Variants in PCDH7 observed in about 807,000 individuals in gnomAD.
PCDH7 encodes the protein protocadherin 7.
PCDH7 carries 17 observed loss-of-function variants against 58.9 expected under a neutral mutation model. The observed-to-expected ratio is 0.29, with a 90% CI of 0.20 to 0.43. PCDH7 has a LOEUF of 0.43. Ranked by LOEUF, PCDH7 falls within the 20% of genes least tolerant of loss-of-function variation. The probability of loss-of-function intolerance (pLI) is 1.00; values close to 1 mark genes in which losing one functional copy is unlikely to be tolerated. For synonymous variants in PCDH7, 664 were observed against 616.4 expected (o/e 1.08, Z -1.14); for missense variants, 1,274 against 1,441.0 (o/e 0.88, Z 1.88).
chr4:31,031,761 T>C (rs1374797247), intron 3 of PCDH7, among the ~76,000 whole-genome samples: 2 of 152,216 alleles, frequency 1.3e-5, no homozygotes, highest in Non-Finnish European at 2.9e-5. Flanking sequence ...TGGAAACATA[T>C]ACAACTAACT....
At chr4:31,059,534 T>C (rs905310710) in intron 3 of PCDH7, among the ~76,000 whole-genome samples, 7 of 151,806 alleles carry the variant, frequency 4.6e-5, no homozygotes, top group Non-Finnish European at 1.0e-4. Flanking sequence ...TCCATGTCAC[T>C]TCAGTGTTGT....
At position 30,721,458 on chromosome 4, in the gene PCDH7, C is replaced by G. The variant is rs1361201962; in HGVS notation, c.36C>G (p.Gly12=). 3 of 1,556,702 alleles carry G rather than the reference C, an allele frequency of 1.9e-6. No homozygotes were observed. Among genetic ancestry groups the G allele is most frequent in the Non-Finnish European group, 2.6e-6 (3 of 1,155,898 alleles). ...TGCGGACCGCGGGATGGGCGCGCGG[C>G]TGGTGCTTGGGCTGCTGCCTCCTCC... The change falls in exon 1 of 2, where the codon GGC becomes GGG. Residue 12 remains glycine (G), a synonymous_variant. Transcript: ENST00000361762. The surrounding 1 kb of genome is among the most constrained non-coding windows in gnomAD (Gnocchi z 6.7).
intron 1 of PCDH7, among the ~76,000 whole-genome samples, chr4:30,890,681 A>G (rs1331056966): frequency 2.6e-5 from 4 of 152,068 alleles, no homozygotes; most frequent in Non-Finnish European, 5.9e-5. Context: ...GACAGAATCA[A>G]TAATCTGATA....
chr4:30,837,903 A>G (rs916770368), intron 1 of PCDH7, among the ~76,000 whole-genome samples: 1 of 147,534 alleles, frequency 6.8e-6, no homozygotes. Context: ...TATATTTTAT[A>G]TATATATATA....
chr4:30,743,395 T>A (rs964314038), intron 1 of PCDH7, among the ~76,000 whole-genome samples: 5 of 151,622 alleles, frequency 3.3e-5, no homozygotes, highest in Non-Finnish European at 3.0e-5. Context: ...AGGAAAAAAA[T>A]CAAGGATTTT....
intron 1 of PCDH7, among the ~76,000 whole-genome samples, chr4:30,760,044 A>G (rs990138162): frequency 1.3e-5 from 2 of 152,082 alleles, no homozygotes; most frequent in Non-Finnish European, 2.9e-5. Flanking sequence ...ATAAACACAT[A>G]TGAAAGCTAC....
chr4:30,948,987 G>T (rs1747041479), intron 2 of PCDH7, among the ~76,000 whole-genome samples: 1 of 152,070 alleles, frequency 6.6e-6, no homozygotes, highest in Admixed American at 6.6e-5. Context: ...CAAACATTGG[G>T]ATTAAAGGTT....
At chr4:31,126,268 G>T (rs771482178) in intron 3 of PCDH7, among the ~76,000 whole-genome samples, 2 of 151,586 alleles carry the variant, frequency 1.3e-5, no homozygotes, top group African/African-American at 2.4e-5. Flanking sequence ...AGATTCTCAC[G>T]CCTCAGCCTC....
intron 1 of PCDH7, among the ~76,000 whole-genome samples, chr4:30,800,022 T>A (rs1725329661): frequency 6.6e-6 from 1 of 151,510 alleles, no homozygotes; most frequent in Non-Finnish European, 1.5e-5. Context: ...CCCGGCTATT[T>A]TTTTTTTTTT....
At chr4:30,811,726 A>G (rs913721777) in intron 1 of PCDH7, among the ~76,000 whole-genome samples, 1 of 152,230 alleles carries the variant, frequency 6.6e-6, no homozygotes, top group Non-Finnish European at 1.5e-5. Flanking sequence ...GTCATAAAAT[A>G]TAATCTGTAG....
intron 1 of PCDH7, among the ~76,000 whole-genome samples, chr4:30,819,315 G>T (rs1233908640): frequency 1.3e-5 from 2 of 152,134 alleles, no homozygotes; most frequent in Non-Finnish European, 2.9e-5. Flanking sequence ...GATTTCACTG[G>T]TTGGGTAGAG....
intron 1 of PCDH7, among the ~76,000 whole-genome samples, chr4:30,846,075 C>A (rs1731906748): frequency 6.6e-6 from 1 of 152,094 alleles, no homozygotes; most frequent in South Asian, 2.1e-4. Context: ...TTTATCCATA[C>A]ATTAAAATTT....
At chr4:30,988,339 ATATAT>A (rs1474762454) in intron 3 of PCDH7, among the ~76,000 whole-genome samples, 1 of 152,222 alleles carries the variant, frequency 6.6e-6, no homozygotes, top group Non-Finnish European at 1.5e-5. Context: ...GAATATTGTA[ATATAT>A]TAGTTAGATA....
chr4:30,762,256 C>A (rs1310881314), intron 1 of PCDH7, among the ~76,000 whole-genome samples: 1 of 151,814 alleles, frequency 6.6e-6, no homozygotes, highest in Non-Finnish European at 1.5e-5. Flanking sequence ...TCTTAAAATT[C>A]GCATTTTTTC....
At chr4:30,887,319 C>T (rs1737957411) in intron 1 of PCDH7, among the ~76,000 whole-genome samples, 1 of 152,040 alleles carries the variant, frequency 6.6e-6, no homozygotes, top group Admixed American at 6.5e-5. Context: ...ACACTTATAG[C>T]ACATTAAGAC....
intron 3 of PCDH7, among the ~76,000 whole-genome samples, chr4:31,102,303 T>A (rs1438581788): frequency 6.6e-6 from 1 of 152,152 alleles, no homozygotes; most frequent in African/African-American, 2.4e-5. Flanking sequence ...ACTGAAATAC[T>A]TTATTTTGCT....
intron 1 of PCDH7, among the ~76,000 whole-genome samples, chr4:30,832,266 C>G (rs1729901385): frequency 1.3e-5 from 2 of 152,172 alleles, no homozygotes. Context: ...CTTATCCATT[C>G]ACATGCAGCA....
intron 3 of PCDH7, among the ~76,000 whole-genome samples, chr4:30,957,684 T>C (rs1261473620): frequency 6.6e-6 from 1 of 152,316 alleles, no homozygotes; most frequent in Non-Finnish European, 1.5e-5. Context: ...ATATCTGAAC[T>C]AGTTCTCAAA....
chr4:31,120,441 C>CTTTTTTTTTTTTTTTTTTTATTTTTT (rs138878762), intron 3 of PCDH7, among the ~76,000 whole-genome samples: 1 of 107,998 alleles, frequency 9.3e-6, no homozygotes, highest in African/African-American at 3.5e-5. Flanking sequence ...CTATTTTTTT[C>CTTTTTTTTTTTTTTTTTTTATTTTTT]TTTTTTTTTT....
Sources: gnomAD v4.1 joint callset for allele counts (sites outside exome capture counted in the v4.1 genomes callset) on GRCh38, gnomAD v4.1.1 for gene constraint, Gnocchi (gnomAD v3.1) non-coding constraint, MANE v1.5 for transcripts, NCBI Gene and HGNC (gene_info 2026-07-23, HGNC 2026-07-21) for gene names.